The following PTPRO variants were observed in gnomAD, a reference collection of about 807,000 sequenced individuals.
PTPRO encodes the protein protein tyrosine phosphatase receptor type O, also known as receptor-type tyrosine-protein phosphatase O.
Under a neutral mutation model 145.2 loss-of-function variants are expected in PTPRO, and 62 were observed. That is an observed-to-expected ratio of 0.43 (90% CI 0.35 to 0.53). The LOEUF (loss-of-function observed/expected upper bound fraction) is 0.53. PTPRO is among the 20% of genes least tolerant of loss of function. The pLI is 0.01. For missense variants in PTPRO, 1,345 were observed against 1,482.7 expected (o/e 0.91, Z 1.53); for synonymous variants, 565 against 514.7 (o/e 1.10, Z -1.32).
At chr12:15,341,147 A>C (rs1405694155) in intron 1 of PTPRO, among the ~76,000 whole-genome samples, 4 of 152,182 alleles carry the variant, frequency 2.6e-5, no homozygotes, top group African/African-American at 9.7e-5. Context: ...AATTTATTAG[A>C]GTATCTGCAA....
chr12:15,394,650 G>A (rs1014127357), intron 1 of PTPRO, among the ~76,000 whole-genome samples: 23 of 152,140 alleles, frequency 1.5e-4, no homozygotes, highest in African/African-American at 5.3e-4. Context: ...CATGCAGTAC[G>A]ATTTCTGATT....
At chr12:15,568,571 T>C (rs887244129) in intron 18 of PTPRO, among the ~76,000 whole-genome samples, 2 of 152,280 alleles carry the variant, frequency 1.3e-5, no homozygotes, top group African/African-American at 4.8e-5. Flanking sequence ...GATGACAGAA[T>C]GTGGAATTCT....
chr12:15,542,483 G>A (rs910919870), intron 12 of PTPRO, among the ~76,000 whole-genome samples: 2 of 152,188 alleles, frequency 1.3e-5, no homozygotes, highest in African/African-American at 4.8e-5. Context: ...CACTGAGCTG[G>A]CCTTGACTTC....
At chr12:15,353,656 T>C (rs1422052205) in intron 1 of PTPRO, among the ~76,000 whole-genome samples, 3 of 152,182 alleles carry the variant, frequency 2.0e-5, no homozygotes, top group African/African-American at 7.2e-5. Context: ...CTCAAAGGCT[T>C]TGGTTAACTC....
At chr12:15,499,063 C>T (rs764430186) in intron 3 of PTPRO, among the ~76,000 whole-genome samples, 1 of 152,068 alleles carries the variant, frequency 6.6e-6, no homozygotes, top group Non-Finnish European at 1.5e-5. Context: ...TGGAAAATTG[C>T]TCTTTTTTTA....
chr12:15,594,867 T>C (rs2135682348), intron 25 of PTPRO, 70 bp from the exon 26 acceptor site: 1 of 1,083,104 alleles, frequency 9.2e-7, no homozygotes, highest in Admixed American at 1.8e-5. Context: ...ATCATTAAAA[T>C]TGTCATAGTA....
intron 9 of PTPRO, among the ~76,000 whole-genome samples, chr12:15,519,768 A>G (rs533043635): frequency 1.3e-5 from 2 of 152,322 alleles, no homozygotes; most frequent in East Asian, 1.9e-4. Context: ...CCCATGGGCT[A>G]TTCACAAAGT....
In PTPRO at chr12:15,442,185, G is replaced by C. The variant is rs1232046685; in HGVS notation, c.76-41789G>C. 2.6e-5 allele frequency among the ~76,000 whole-genome samples: 4 copies of C among 152,190 alleles called. No individual in the cohort carries two copies. In the South Asian group the frequency reaches 8.3e-4, roughly 32 times the overall value. On this transcript the variant is annotated intron_variant, in intron 1 of 26. Transcript: ENST00000281171. ...GTAGACTTCATTCCTGGAATGCAAG[G>C]CTGATTCAATGTACACAAATCAATA...
In PTPRO at chr12:15,580,920, A is replaced by C; in HGVS notation, c.3132+89A>C. 2.0e-6 allele frequency: 3 copies of C among 1,524,128 alleles called. No individual in the cohort carries two copies. In the South Asian group the frequency reaches 3.4e-5, roughly 17 times the overall value. 94.4% of individuals were successfully genotyped at this position (1,524,128 alleles called of 1,614,324 possible). On this transcript the variant is annotated intron_variant, in intron 22 of 26. Coordinates refer to ENST00000281171, the MANE Select transcript of PTPRO (RefSeq NM_030667.3). Reference sequence around the variant, plus strand: ...GAAATGCTTGCTGTTTTCAAAGTCAAATAAAACATAGAGACAAATCGCTAA... The same window carrying C: ...GAAATGCTTGCTGTTTTCAAAGTCACATAAAACATAGAGACAAATCGCTAA...
At chr12:15,510,707 C>G (rs535831186) in intron 7 of PTPRO, among the ~76,000 whole-genome samples, 1 of 152,290 alleles carries the variant, frequency 6.6e-6, no homozygotes, top group South Asian at 2.1e-4. Context: ...TCAGTTACCA[C>G]AAGACCTTTT....
intron 25 of PTPRO, among the ~76,000 whole-genome samples, chr12:15,594,273 A>G (rs1422310490): frequency 1.1e-4 from 17 of 151,670 alleles, no homozygotes; most frequent in Admixed American, 1.1e-3. Context: ...ATTAACCAAT[A>G]TTTTCCTCTG....
chr12:15,508,527 G>T (rs761566312), intron 6 of PTPRO, 44 bp from the exon 7 acceptor site: 4 of 1,554,230 alleles, frequency 2.6e-6, no homozygotes, highest in Non-Finnish European at 3.5e-6. Context: ...ATCTCAATCA[G>T]TGTAACGTGC....
At chr12:15,501,270 G>A (rs1393337417) in intron 4 of PTPRO, among the ~76,000 whole-genome samples, 2 of 69,342 alleles carry the variant, frequency 2.9e-5, no homozygotes, top group Non-Finnish European at 5.9e-5. Context: ...AAAAATCCAG[G>A]AACAGAGATA....
intron 18 of PTPRO, 121 bp from the exon 19 acceptor site, chr12:15,569,296 C>T (rs1943981599): frequency 1.1e-6 from 1 of 921,182 alleles, no homozygotes; most frequent in African/African-American, 1.7e-5. Flanking sequence ...TGAGTGCTAA[C>T]CTTAGAGAAG....
At chr12:15,464,300 C>A (rs1941367096) in intron 1 of PTPRO, among the ~76,000 whole-genome samples, 1 of 152,134 alleles carries the variant, frequency 6.6e-6, no homozygotes, top group Admixed American at 6.6e-5. Flanking sequence ...GGATCTAACA[C>A]ACAGCCACTG....
chr12:15,439,180 A>T (rs901638781), intron 1 of PTPRO, among the ~76,000 whole-genome samples: 1 of 152,210 alleles, frequency 6.6e-6, no homozygotes, highest in African/African-American at 2.4e-5. Flanking sequence ...ACAAAGGTTT[A>T]TAAGTGAAAG....
At chr12:15,545,881 A>G (rs968353635) in intron 12 of PTPRO, among the ~76,000 whole-genome samples, 1 of 151,996 alleles carries the variant, frequency 6.6e-6, no homozygotes, top group Non-Finnish European at 1.5e-5. Context: ...AAAAAATGCA[A>G]AAATAAGCCA....
intron 1 of PTPRO, among the ~76,000 whole-genome samples, chr12:15,469,504 A>G (rs1415666753): frequency 6.6e-6 from 1 of 152,280 alleles, no homozygotes; most frequent in Non-Finnish European, 1.5e-5. Flanking sequence ...ACCCAGTCAG[A>G]CACCAGCCAA....
Position 15,483,956 on chromosome 12 carries a change from T to C in PTPRO, c.76-18T>C, listed in dbSNP as rs779893509. The C allele has an allele frequency of 7.5e-6, 12 of 1,610,584 alleles. No homozygotes were observed. Among genetic ancestry groups the C allele is most frequent in the Non-Finnish European group, 1.0e-5 (12 of 1,177,256 alleles). Reference sequence around the variant, plus strand: ...TGAATATAACCTCCATCTCTTTTTATTCTGTTTCATTCAACAGAATGCTAC... The same window carrying C: ...TGAATATAACCTCCATCTCTTTTTACTCTGTTTCATTCAACAGAATGCTAC... On this transcript the variant is annotated intron_variant, in intron 1 of 26. Coordinates refer to ENST00000281171, the MANE Select transcript of PTPRO (RefSeq NM_030667.3).
Sources: gnomAD v4.1 joint callset for allele counts (sites outside exome capture counted in the v4.1 genomes callset) on GRCh38, gnomAD v4.1.1 for gene constraint, MANE v1.5 for transcripts, NCBI Gene and HGNC (gene_info 2026-07-23, HGNC 2026-07-21) for gene names.